Variants in CUBN observed in about 807,000 individuals in gnomAD.
CUBN encodes cubilin, also known as 460 kDa receptor.
CUBN carries 282 observed loss-of-function variants against 405.3 expected under a neutral mutation model. That is an observed-to-expected ratio of 0.70 (90% CI 0.63 to 0.77). CUBN has a LOEUF of 0.77. CUBN is among the 30% of genes least tolerant of loss of function. CUBN has a pLI of 0.00. For missense variants in CUBN, 4,514 were observed against 4,475.2 expected (o/e 1.01, Z -0.25); for synonymous variants, 1,684 against 1,617.0 (o/e 1.04, Z -0.99).
intron 21 of CUBN, among the ~76,000 whole-genome samples, chr10:17,067,435 T>G (rs1835634906): frequency 6.6e-6 from 1 of 152,098 alleles, no homozygotes; most frequent in Non-Finnish European, 1.5e-5. Context: ...TGAACTTGAA[T>G]ATATAGTAAT....
intron 56 of CUBN, among the ~76,000 whole-genome samples, chr10:16,884,520 A>C (rs1191618711): frequency 6.6e-6 from 1 of 152,210 alleles, no homozygotes; most frequent in East Asian, 1.9e-4. Flanking sequence ...TTCCAAAATG[A>C]GGACAAACAT....
rs758743854 is a variant in CUBN at position 16,928,233 on chromosome 10, A to G, written c.6195T>C (p.Thr2065=). Residue 2065 remains threonine (T), a synonymous_variant, in exon 41 of 67, where the codon ACT becomes ACC. Transcript: ENST00000377833. ...TGAAGCGGATGAACATGTACTCTCC[A>G]GTAGACCGGATGGGCCCAGGGATCT... ...GREIPGPIRS[T]GEYMFIRFTS... 9.9e-6 allele frequency: 16 copies of G among 1,613,908 alleles called. No homozygotes were observed. Among genetic ancestry groups the G allele is most frequent in the Middle Eastern group, 3.3e-4 (2 of 6,084 alleles).
chr10:17,102,769 G>C (rs114007395), intron 13 of CUBN, among the ~76,000 whole-genome samples: 3,585 of 151,658 alleles, frequency 0.024, 148 homozygotes, highest in African/African-American at 0.079. Context: ...ACTACACCTG[G>C]CTAATTTTTT....
intron 54 of CUBN, among the ~76,000 whole-genome samples, chr10:16,891,643 A>G (rs761412732): frequency 6.6e-6 from 1 of 152,210 alleles, no homozygotes; most frequent in Non-Finnish European, 1.5e-5. Flanking sequence ...GTGAGAGATC[A>G]TGGTTATCTA....
chr10:17,038,599 G>C (rs918831408), intron 27 of CUBN, among the ~76,000 whole-genome samples: 1 of 152,156 alleles, frequency 6.6e-6, no homozygotes, highest in African/African-American at 2.4e-5. Flanking sequence ...TCTGGCTCTA[G>C]TAACAGGCAT....
intron 27 of CUBN, among the ~76,000 whole-genome samples, chr10:17,026,643 T>TA (rs1262504471): frequency 4.4e-5 from 5 of 112,614 alleles, no homozygotes; most frequent in South Asian, 4.8e-4. Flanking sequence ...AAAAAAAAAA[T>TA]AAATAAATAA....
At chr10:16,938,690 A>C (rs1440864377) in intron 38 of CUBN, among the ~76,000 whole-genome samples, 2 of 152,210 alleles carry the variant, frequency 1.3e-5, no homozygotes, top group Non-Finnish European at 2.9e-5. Flanking sequence ...CAGAATAAAT[A>C]CTTATTTAGG....
In CUBN at chr10:17,065,531, T is replaced by G. The variant is rs150014503; in HGVS notation, c.3116A>C (p.Tyr1039Ser). ...ACCTGTTGCTGCACTGATTGCTTCA[T>G]AGTTTATTAAGAAGCCTTCATAAGC... is the stretch of plus-strand genomic sequence containing the variant. ...DLAYEGFLINYEAISAATACL... is the reference protein window; with the variant it reads ...DLAYEGFLINSEAISAATACL... Residue 1039 changes from tyrosine (Y) to serine (S), a missense_variant, in exon 22 of 67, where the codon TAT becomes TCT. This residue lies in a region of CUBN where 1,448 missense variants were observed against 1,388.0 expected (regional missense o/e 1.04). Transcript: ENST00000377833. 2 of 1,613,512 alleles carry G rather than the reference T, an allele frequency of 1.2e-6. No individual in the cohort carries two copies. The highest frequency in any genetic ancestry group is 1.7e-6 in the Non-Finnish European group (2 of 1,179,508).
At chr10:17,049,830 A>G (rs1835222965) in intron 22 of CUBN, among the ~76,000 whole-genome samples, 1 of 152,228 alleles carries the variant, frequency 6.6e-6, no homozygotes, top group Admixed American at 6.5e-5. Flanking sequence ...TATTTAGCAT[A>G]ATAAAATTTT....
intron 60 of CUBN, among the ~76,000 whole-genome samples, chr10:16,844,478 C>T (rs1464597804): frequency 6.6e-6 from 1 of 152,074 alleles, no homozygotes; most frequent in Non-Finnish European, 1.5e-5. Context: ...TACATTTCAT[C>T]CAAGGAGTCT....
At chr10:16,933,317 C>A in intron 39 of CUBN, 33 bp from the exon 40 acceptor site, 1 of 1,598,722 alleles carries the variant, frequency 6.3e-7, no homozygotes. Flanking sequence ...TTTGACACAG[C>A]CCTAATGGAA....
At chr10:17,085,461 G>A in intron 16 of CUBN, 136 bp downstream of exon 16, 1 of 914,116 alleles carries the variant, frequency 1.1e-6, no homozygotes, top group Non-Finnish European at 1.8e-6. Context: ...GAAGCTATGA[G>A]AGAAATATTT....
Position 16,917,432 on chromosome 10 carries a change from CAAT to C in CUBN, c.7000+1187_7000+1189del, listed in dbSNP as rs917569373. Among the ~76,000 whole-genome samples the C allele has an allele frequency of 7.9e-5, 12 of 151,974 alleles. 1 individual carries two copies. Among genetic ancestry groups the C allele is most frequent in the Admixed American group, 5.9e-4 (9 of 15,246 alleles). ...TAAATTAGACATAAGAGATTAACAA[CAAT>C]AACTAATAATAAAATAGAAGAATCA... On this transcript the variant is annotated intron_variant, in intron 45 of 66. Transcript: ENST00000377833.
chr10:16,857,388 T>C (rs918044820), intron 59 of CUBN, among the ~76,000 whole-genome samples: 1 of 152,180 alleles, frequency 6.6e-6, no homozygotes, highest in African/African-American at 2.4e-5. Flanking sequence ...CTGTAGTTAA[T>C]AGAAAAAGAG....
chr10:17,109,429 C>T (rs917441848), intron 10 of CUBN, among the ~76,000 whole-genome samples: 6 of 152,148 alleles, frequency 3.9e-5, no homozygotes, highest in Admixed American at 1.3e-4. Flanking sequence ...GCTTAATTAC[C>T]TTATTTCCTA....
chr10:16,982,637 G>T lies in CUBN; in HGVS notation c.4542C>A (p.Phe1514Leu). 1 of 1,613,064 alleles carries T rather than the reference G, an allele frequency of 6.2e-7. No individual in the cohort carries two copies. The highest frequency in any genetic ancestry group is 8.5e-7 in the Non-Finnish European group (1 of 1,179,242). The change falls in exon 31 of 67, where the codon TTC (phenylalanine) becomes TTA (leucine). Residue 1514 changes from phenylalanine (F) to leucine (L), a missense_variant. This residue lies in a region of CUBN where 1,613 missense variants were observed against 1,542.8 expected (regional missense o/e 1.05). Transcript: ENST00000377833. ...AATGAATCTCTCCACTGGGAGCCTG[G>T]AAAATCCCACCACAACCTGGAAGTG... ...QAVTGGCGGI[F>L]QAPSGEIHSP...
Position 16,928,215 on chromosome 10 carries a change from GA to G in CUBN, c.6212del (p.Ile2071ThrfsTer9). 6.2e-7 allele frequency: 1 copy of G among 1,614,010 alleles called. No homozygotes were observed. The highest frequency in any genetic ancestry group is 8.5e-7 in the Non-Finnish European group (1 of 1,179,920). On this transcript the variant is annotated frameshift_variant, in exon 41 of 67. Coordinates refer to ENST00000377833, the MANE Select transcript of CUBN (RefSeq NM_001081.4). LOFTEE classifies it high-confidence loss of function. ...PIRSTGEYMF[I>X]RFTSDSSVTR... ...TTACACTGGAGTCCGAGGTGAAGCG[GA>G]TGAACATGTACTCTCCAGTAGACCG...
chr10:17,066,083 T>A (rs1835608644), intron 21 of CUBN, among the ~76,000 whole-genome samples: 3 of 152,160 alleles, frequency 2.0e-5, no homozygotes, highest in Non-Finnish European at 4.4e-5. Context: ...AGTACCTACT[T>A]CATAGAGTTG....
At position 16,915,835 on chromosome 10, in the gene CUBN, T is replaced by TC; in HGVS notation, c.7195dup (p.Asp2399GlyfsTer19). ...ATTTTACTAACCAGAGGTATGATTG[T>TC]CCCAGATCTCCACGAAGTCTTTTTC... On this transcript the variant is annotated frameshift_variant, in exon 46 of 67. Coordinates refer to ENST00000377833, the MANE Select transcript of CUBN (RefSeq NM_001081.4). LOFTEE classifies it high-confidence loss of function. 1.2e-6 allele frequency: 2 copies of TC among 1,612,700 alleles called. No homozygotes were observed. The highest frequency in any genetic ancestry group is 1.7e-6 in the Non-Finnish European group (2 of 1,179,662).
Sources: gnomAD v4.1 joint callset for allele counts (sites outside exome capture counted in the v4.1 genomes callset) on GRCh38, gnomAD v4.1.1 for gene constraint, gnomAD v4.1.1 regional missense constraint, MANE v1.5 for transcripts, NCBI Gene and HGNC (gene_info 2026-07-23, HGNC 2026-07-21) for gene names.